NAA60: variants seen among roughly 807,000 people sequenced by gnomAD.
NAA60 encodes N-alpha-acetyltransferase 60.
A neutral mutation model predicts 26.1 loss-of-function variants in NAA60; 8 were observed. That is an observed-to-expected ratio of 0.31 (90% CI 0.18 to 0.55). The LOEUF is 0.55. Ranked by LOEUF, NAA60 falls within the 20% of genes least tolerant of loss-of-function variation. The pLI is 0.93. For missense variants in NAA60, 290 were observed against 311.3 expected (o/e 0.93, Z 0.51); for synonymous variants, 131 against 122.5 (o/e 1.07, Z -0.46).
At chr16:3,479,710 G>C in intron 4 of NAA60, 110 bp downstream of exon 4, 1 of 1,301,262 alleles carries the variant, frequency 7.7e-7, no homozygotes, top group Non-Finnish European at 1.1e-6. Context: ...CAAGGAGCCT[G>C]TGACCCAAGG....
intron 2 of NAA60, among the ~76,000 whole-genome samples, chr16:3,462,905 A>G (rs1484553872): frequency 2.0e-5 from 3 of 152,186 alleles, no homozygotes; most frequent in Non-Finnish European, 4.4e-5. Flanking sequence ...CCTTTTTTAA[A>G]TGTTTTTTTG....
intron 2 of NAA60, among the ~76,000 whole-genome samples, chr16:3,457,577 C>G (rs2035059650): frequency 6.6e-6 from 1 of 152,242 alleles, no homozygotes; most frequent in African/African-American, 2.4e-5. Context: ...AATCCAGTGT[C>G]GTCGCGGGGT....
chr16:3,472,506 C>T (rs2036218618), intron 2 of NAA60: 1 of 152,112 alleles, frequency 6.6e-6, no homozygotes, highest in Non-Finnish European at 1.5e-5. Flanking sequence ...AACCTTGGCT[C>T]ACTGCAACCT....
chr16:3,457,889 TG>T, intron 2 of NAA60: 1 of 807,418 alleles, frequency 1.2e-6, no homozygotes, highest in Non-Finnish European at 1.5e-6. Context: ...ATCCTGGGCC[TG>T]GCTTCGCACG....
chr16:3,460,260 A>G (rs545850183), intron 2 of NAA60, among the ~76,000 whole-genome samples: 2 of 152,306 alleles, frequency 1.3e-5, no homozygotes, highest in South Asian at 4.1e-4. Context: ...CTTAAATGGC[A>G]GCTCCTCCAC....
intron 2 of NAA60, chr16:3,468,111 C>G (rs962860543): frequency 5.9e-5 from 9 of 152,210 alleles, no homozygotes; most frequent in East Asian, 3.9e-4. Context: ...AAAGTTACAT[C>G]CTATGCAAAT....
At chr16:3,448,833 G>A (rs2034656576) in intron 2 of NAA60, 1 of 272,766 alleles carries the variant, frequency 3.7e-6, no homozygotes, top group Non-Finnish European at 7.1e-6. Flanking sequence ...TGAGTCTGAT[G>A]GGTAAGCCCA....
chr16:3,455,948 A>AC (rs1437621106), intron 2 of NAA60, among the ~76,000 whole-genome samples: 2 of 148,100 alleles, frequency 1.4e-5, no homozygotes, highest in East Asian at 4.1e-4. Context: ...CTCATGGTTC[A>AC]CCCGACTTGA....
intron 2 of NAA60, among the ~76,000 whole-genome samples, chr16:3,467,416 G>C (rs1308568820): frequency 6.6e-6 from 1 of 152,126 alleles, no homozygotes; most frequent in African/African-American, 2.4e-5. Flanking sequence ...TGGAGGCCAG[G>C]ACACCTCTCA....
intron 1 of NAA60, among the ~76,000 whole-genome samples, chr16:3,445,145 C>T (rs1010315298): frequency 5.9e-5 from 9 of 152,038 alleles, no homozygotes; most frequent in South Asian, 2.1e-4. Flanking sequence ...ACAGGCTAGA[C>T]CAGTCCAAAG....
Position 3,468,365 on chromosome 16 carries a change from A to G in NAA60, c.-6-7857A>G, listed in dbSNP as rs569464444. On this transcript the variant is annotated intron_variant, in intron 2 of 7. Coordinates refer to ENST00000407558, the MANE Select transcript of NAA60 (RefSeq NM_001083601.3). ...GTTTTCCTTTGGATTTAGTTCTAAG[A>G]AGTCAGCATGAATTGGCCTTAGGTT... Among the ~76,000 whole-genome samples the G allele has an allele frequency of 3.9e-4, 59 of 152,242 alleles. No individual in the cohort carries two copies. In the South Asian group the frequency reaches 0.012, roughly 30 times the overall value.
rs1423768301 is a variant in NAA60, at chr16:3,484,919, C to A, written c.*64C>A. On this transcript the variant is annotated 3_prime_UTR_variant, in exon 7 of 8. Transcript: ENST00000407558. ...CCGCCCGCAGAGCCCGCCTTCCTGT[C>A]CATCTGACCCCTTCTGTTTTCTGCA... 3.9e-6 allele frequency: 6 copies of A among 1,545,592 alleles called. No homozygotes were observed. The highest frequency in any genetic ancestry group is 2.4e-5 in the South Asian group (2 of 84,040).
At chr16:3,480,105 C>T (rs929267534) in intron 4 of NAA60, among the ~76,000 whole-genome samples, 4 of 152,114 alleles carry the variant, frequency 2.6e-5, no homozygotes, top group East Asian at 1.9e-4. Flanking sequence ...GCTAGCAAAC[C>T]CCAGTCTGAA....
intron 2 of NAA60, among the ~76,000 whole-genome samples, chr16:3,469,817 G>C (rs1227948413): frequency 3.9e-5 from 6 of 152,262 alleles, no homozygotes. Flanking sequence ...GCCAGCACCA[G>C]GGCTTTGTTC....
rs191828318 is a variant in NAA60 at position 3,460,467 on chromosome 16, G to A, written c.-7+11927G>A. Among the ~76,000 whole-genome samples, 43 of 152,312 alleles carry A rather than the reference G, an allele frequency of 2.8e-4. 2 individuals carry two copies. The highest frequency in any genetic ancestry group is 2.5e-3 in the Admixed American group (38 of 15,300). ...CAACCTCCACCTCCCAAACTCAAGT[G>A]ATTCTCCTGCTTCAGCCTCCTGAGT... is the stretch of plus-strand genomic sequence containing the variant. On this transcript the variant is annotated intron_variant, in intron 2 of 7. Coordinates refer to ENST00000407558, the MANE Select transcript of NAA60 (RefSeq NM_001083601.3).
At chr16:3,468,440 G>T (rs561897085) in intron 2 of NAA60, among the ~76,000 whole-genome samples, 2 of 152,298 alleles carry the variant, frequency 1.3e-5, no homozygotes, top group East Asian at 1.9e-4. Context: ...TTGATCAGGG[G>T]GCTCAGCTTG....
At position 3,460,956 on chromosome 16, in the gene NAA60, C is replaced by T. The variant is rs148401775; in HGVS notation, c.-7+12416C>T. ...GTATGTATGTATATATGTTTAGTGA[C>T]GGAGTCTTGCTGTATCACCCGGGCT... On this transcript the variant is annotated intron_variant, in intron 2 of 7. Transcript: ENST00000407558. Among the ~76,000 whole-genome samples the T allele has an allele frequency of 3.0e-3, 463 of 152,238 alleles. 1 individual carries two copies. The highest frequency in any genetic ancestry group is 4.3e-3 in the Non-Finnish European group (292 of 68,016).
At chr16:3,467,524 T>C (rs1300776944) in intron 2 of NAA60, among the ~76,000 whole-genome samples, 1 of 152,094 alleles carries the variant, frequency 6.6e-6, no homozygotes, top group African/African-American at 2.4e-5. Flanking sequence ...CTTGGGGCAT[T>C]AGGACAGGGA....
chr16:3,458,284 C>T, intron 2 of NAA60: 1 of 762,360 alleles, frequency 1.3e-6, no homozygotes, highest in Middle Eastern at 6.7e-4. Context: ...GGCCAGCGCC[C>T]ACCGGGTACG....
Sources: gnomAD v4.1 joint callset for allele counts (sites outside exome capture counted in the v4.1 genomes callset) on GRCh38, gnomAD v4.1.1 for gene constraint, MANE v1.5 for transcripts, NCBI Gene and HGNC (gene_info 2026-07-23, HGNC 2026-07-21) for gene names.